The following PPP2R2B variants were observed in gnomAD, a reference collection of about 807,000 sequenced individuals.
PPP2R2B encodes protein phosphatase 2 regulatory subunit Bbeta, also known as serine/threonine-protein phosphatase 2A 55 kDa regulatory subunit B beta isoform.
Under a neutral mutation model 46.0 loss-of-function variants are expected in PPP2R2B, and 5 were observed. The observed-to-expected ratio is 0.11, with a 90% CI of 0.06 to 0.23. The LOEUF (loss-of-function observed/expected upper bound fraction) is 0.23. PPP2R2B is among the 10% of genes least tolerant of loss of function. The pLI is 1.00. For missense variants in PPP2R2B, 367 were observed against 575.0 expected, an observed-to-expected ratio of 0.64 and a Z score of 3.70; for synonymous variants, 215 against 206.7, an observed-to-expected ratio of 1.04 and a Z score of -0.34.
intron 2 of PPP2R2B, among the ~76,000 whole-genome samples, chr5:147,077,063 T>C (rs1336067310): frequency 6.8e-6 from 1 of 147,794 alleles, no homozygotes; most frequent in African/African-American, 2.5e-5. Context: ...ATATATACAA[T>C]ACATATATAT....
chr5:146,883,999 G>T (rs1319225506), intron 1 of PPP2R2B, among the ~76,000 whole-genome samples: 1 of 150,886 alleles, frequency 6.6e-6, no homozygotes, highest in East Asian at 1.9e-4. Flanking sequence ...TTCTAGTTCT[G>T]CTTTGAGTGA....
At chr5:147,012,410 G>A (rs1754783161) in intron 1 of PPP2R2B, among the ~76,000 whole-genome samples, 2 of 151,852 alleles carry the variant, frequency 1.3e-5, no homozygotes, top group South Asian at 4.2e-4. Flanking sequence ...TATTTCTGTG[G>A]GATCAGTGGT....
At chr5:146,840,297 C>A (rs567908183) in intron 2 of PPP2R2B, among the ~76,000 whole-genome samples, 1 of 152,214 alleles carries the variant, frequency 6.6e-6, no homozygotes, top group South Asian at 2.1e-4. Context: ...AGCTTAAAGT[C>A]CAAGTAAGTT....
At chr5:146,863,282 C>A (rs1462763445) in intron 2 of PPP2R2B, among the ~76,000 whole-genome samples, 3 of 152,158 alleles carry the variant, frequency 2.0e-5, no homozygotes, top group African/African-American at 7.2e-5. Flanking sequence ...AGAAATTAGT[C>A]ATTGCAGGAT....
chr5:146,963,030 C>A (rs941365757), intron 1 of PPP2R2B, among the ~76,000 whole-genome samples: 1 of 152,128 alleles, frequency 6.6e-6, no homozygotes, highest in Non-Finnish European at 1.5e-5. Flanking sequence ...GATGATGATG[C>A]AATTCAACAA....
At chr5:146,603,834 T>TAACC (rs1211068273) in intron 7 of PPP2R2B, among the ~76,000 whole-genome samples, 3 of 152,206 alleles carry the variant, frequency 2.0e-5, no homozygotes, top group African/African-American at 7.2e-5. Context: ...AGAGGTTTTA[T>TAACC]AACCAGTCCA....
At chr5:146,846,417 C>T (rs1760011661) in intron 2 of PPP2R2B, among the ~76,000 whole-genome samples, 1 of 151,754 alleles carries the variant, frequency 6.6e-6, no homozygotes, top group Non-Finnish European at 1.5e-5. Flanking sequence ...CAGTGGCTCA[C>T]GCCTGTAATC....
At chr5:146,655,079 T>C (rs573023884) in intron 5 of PPP2R2B, among the ~76,000 whole-genome samples, 27 of 152,174 alleles carry the variant, frequency 1.8e-4, no homozygotes, top group Non-Finnish European at 3.5e-4. Context: ...CAGGTGGTTC[T>C]GTGTTGAGCA....
chr5:147,029,823 C>T (rs1056146385), intron 1 of PPP2R2B, among the ~76,000 whole-genome samples: 2 of 152,228 alleles, frequency 1.3e-5, no homozygotes, highest in South Asian at 2.1e-4. Flanking sequence ...ACCAGAAACC[C>T]ATCCCGCCAG....
chr5:146,641,735 G>A (rs1216107845), intron 6 of PPP2R2B, among the ~76,000 whole-genome samples: 1 of 152,100 alleles, frequency 6.6e-6, no homozygotes, highest in Non-Finnish European at 1.5e-5. Flanking sequence ...GGCGATCCAT[G>A]TTTTCAGCAT....
intron 2 of PPP2R2B, among the ~76,000 whole-genome samples, chr5:146,776,058 G>A (rs1755161453): frequency 6.6e-6 from 1 of 151,964 alleles, no homozygotes; most frequent in Non-Finnish European, 1.5e-5. Context: ...GCCCCAATGT[G>A]GTATATCTGT....
chr5:146,941,239 G>A (rs1456219705), intron 1 of PPP2R2B, among the ~76,000 whole-genome samples: 1 of 152,166 alleles, frequency 6.6e-6, no homozygotes, highest in Non-Finnish European at 1.5e-5. Context: ...AATGCCATAT[G>A]TCTGTTCACA....
chr5:146,970,124 A>G (rs558607726), intron 1 of PPP2R2B, among the ~76,000 whole-genome samples: 1 of 152,218 alleles, frequency 6.6e-6, no homozygotes, highest in African/African-American at 2.4e-5. Flanking sequence ...GACACCCTAT[A>G]ATGTAGGTAT....
rs1038180526 is a variant in PPP2R2B at position 146,644,194 on chromosome 5, A to T, written c.626-5779T>A. ...AAAAGAATATCGTAATGCAAAAAAA[A>T]GTGGATTAGGAACCTGAACTTCTTC... On this transcript the variant is annotated intron_variant, in intron 6 of 9. Transcript: ENST00000394411. Among the ~76,000 whole-genome samples the T allele has an allele frequency of 4.0e-5, 6 of 150,638 alleles. No individual in the cohort carries two copies. In the South Asian group the frequency reaches 1.3e-3, roughly 32 times the overall value.
chr5:146,976,447 T>C (rs1319166538), intron 1 of PPP2R2B, among the ~76,000 whole-genome samples: 5 of 152,140 alleles, frequency 3.3e-5, no homozygotes, highest in Non-Finnish European at 7.4e-5. Flanking sequence ...AACAGTTTTA[T>C]AGTTTTATGT....
chr5:146,974,111 T>A (rs1165709514), intron 1 of PPP2R2B, among the ~76,000 whole-genome samples: 1 of 152,090 alleles, frequency 6.6e-6, no homozygotes, highest in Non-Finnish European at 1.5e-5. Flanking sequence ...CTATTTGGAA[T>A]CCGGGCAAGA....
chr5:146,816,357 A>G (rs1456237863), intron 2 of PPP2R2B, among the ~76,000 whole-genome samples: 1 of 152,214 alleles, frequency 6.6e-6, no homozygotes, highest in African/African-American at 2.4e-5. Flanking sequence ...CCATGATTGC[A>G]CTACTGCACT....
intron 1 of PPP2R2B, among the ~76,000 whole-genome samples, chr5:146,921,700 C>T (rs533555671): frequency 6.6e-6 from 1 of 152,150 alleles, no homozygotes; most frequent in Non-Finnish European, 1.5e-5. Flanking sequence ...ATCAGTTCAT[C>T]TCTGCTTCTC....
chr5:146,593,814 C>T (rs1172237978), intron 8 of PPP2R2B, among the ~76,000 whole-genome samples: 3 of 152,034 alleles, frequency 2.0e-5, no homozygotes, highest in Non-Finnish European at 4.4e-5. Flanking sequence ...TTACATAGGC[C>T]CTTTATTCTG....
Sources: allele counts gnomAD v4.1 joint callset (sites outside exome capture counted in the v4.1 genomes callset), GRCh38; gene constraint gnomAD v4.1.1; transcripts MANE v1.5; gene names NCBI Gene and HGNC (gene_info 2026-07-23, HGNC 2026-07-21).